ARHGEF3: variants seen among roughly 807,000 people sequenced by gnomAD.
ARHGEF3 encodes Rho guanine nucleotide exchange factor 3.
A neutral mutation model predicts 63.2 loss-of-function variants in ARHGEF3; 28 were observed. The ratio of observed to expected loss-of-function variants is 0.44; its 90% CI spans 0.33 to 0.61. The LOEUF (loss-of-function observed/expected upper bound fraction) is 0.61, where lower values mean the gene tolerates loss of function less well. Ranked by LOEUF, ARHGEF3 falls within the 20% of genes least tolerant of loss-of-function variation. ARHGEF3 has a pLI of 0.03. For synonymous variants in ARHGEF3, 266 were observed against 254.2 expected (o/e 1.05, Z -0.44); for missense variants, 533 against 659.3 (o/e 0.81, Z 2.10).
At chr3:56,914,007 T>C (rs1244532968) in intron 3 of ARHGEF3, among the ~76,000 whole-genome samples, 2 of 152,220 alleles carry the variant, frequency 1.3e-5, no homozygotes, top group Non-Finnish European at 2.9e-5. Flanking sequence ...ACTATTATTC[T>C]AAGTGAAGTA....
chr3:57,000,687 C>T (rs1702161074), intron 2 of ARHGEF3, among the ~76,000 whole-genome samples: 1 of 152,064 alleles, frequency 6.6e-6, no homozygotes, highest in South Asian at 2.1e-4. Context: ...CACACGCCTC[C>T]TTGCCTGGCA....
chr3:56,758,022 A>G (rs2035185294), intron 2 of ARHGEF3, among the ~76,000 whole-genome samples: 1 of 151,358 alleles, frequency 6.6e-6, no homozygotes, highest in Admixed American at 6.6e-5. Context: ...TCACGCCTGT[A>G]ATCCCAGCAC....
intron 2 of ARHGEF3, among the ~76,000 whole-genome samples, chr3:57,005,726 C>T: frequency 6.6e-6 from 1 of 152,194 alleles, no homozygotes; most frequent in Admixed American, 6.5e-5. Flanking sequence ...GGCATCACTT[C>T]CATAAAGCTC....
Position 56,738,046 on chromosome 3 carries a change from TTTTG to T in ARHGEF3, c.871-695_871-692del, listed in dbSNP as rs563880081. On this transcript the variant is annotated intron_variant, in intron 7 of 9. Coordinates refer to ENST00000296315, the MANE Select transcript of ARHGEF3 (RefSeq NM_019555.3). The stretch of plus-strand genomic sequence containing the variant: ...ATAATGCCCAGCTAATTTTTGTATT[TTTTG>T]TTTGTTTGTTTTGAGACGGAGTCTC... Among the ~76,000 whole-genome samples, 278 of 151,980 alleles carry T rather than the reference TTTTG, an allele frequency of 1.8e-3. 1 individual carries two copies. Among genetic ancestry groups the T allele is most frequent in the Non-Finnish European group, 3.0e-3 (203 of 67,974 alleles).
At chr3:56,999,072 TAG>T (rs1474856511) in intron 2 of ARHGEF3, among the ~76,000 whole-genome samples, 3 of 152,168 alleles carry the variant, frequency 2.0e-5, no homozygotes, top group Non-Finnish European at 2.9e-5. Flanking sequence ...TGTTTTGAGA[TAG>T]AGTCTTGCTC....
At chr3:56,968,210 ATATATT>A (rs1560094197) in intron 2 of ARHGEF3, among the ~76,000 whole-genome samples, 86 of 22,576 alleles carry the variant, frequency 3.8e-3, no homozygotes, top group Non-Finnish European at 6.2e-3. Flanking sequence ...ATATAAAAAT[ATATATT>A]ATATATAATA....
chr3:56,821,026 G>C (rs540057374), intron 4 of ARHGEF3, among the ~76,000 whole-genome samples: 2 of 151,940 alleles, frequency 1.3e-5, no homozygotes, highest in South Asian at 4.2e-4. Context: ...GCCAGGTTTA[G>C]TAGGTGCATG....
At chr3:56,810,008 G>A (rs2038008900) in intron 4 of ARHGEF3, among the ~76,000 whole-genome samples, 1 of 152,054 alleles carries the variant, frequency 6.6e-6, no homozygotes, top group Non-Finnish European at 1.5e-5. Flanking sequence ...GATTACAGAC[G>A]TCAGCCACCG....
intron 2 of ARHGEF3, among the ~76,000 whole-genome samples, chr3:56,977,765 G>T (rs1355641423): frequency 6.6e-6 from 1 of 152,052 alleles, no homozygotes; most frequent in Non-Finnish European, 1.5e-5. Context: ...AAATGGGTTC[G>T]GCCTCTAGGA....
chr3:56,853,172 C>T (rs901276754), intron 4 of ARHGEF3, among the ~76,000 whole-genome samples: 1 of 149,912 alleles, frequency 6.7e-6, no homozygotes, highest in Non-Finnish European at 1.5e-5. Context: ...GGTAACAGAA[C>T]AGAGGACATG....
chr3:56,732,504 G>A (rs2033243439), intron 8 of ARHGEF3, 80 bp from the exon 9 acceptor site: 1 of 1,496,238 alleles, frequency 6.7e-7, no homozygotes. Flanking sequence ...TGGATAAAGA[G>A]GTCCCCAGGT....
chr3:56,992,024 C>CTCTCTCTCTGTGTGTGTGTGTG (rs1239113895), intron 2 of ARHGEF3, among the ~76,000 whole-genome samples: 17 of 131,634 alleles, frequency 1.3e-4, no homozygotes, highest in African/African-American at 4.7e-4. Flanking sequence ...CCTCCTCTCT[C>CTCTCTCTCTGTGTGTGTGTGTG]TGTGTGTGTG....
intron 2 of ARHGEF3, among the ~76,000 whole-genome samples, chr3:56,999,088 C>T (rs998096995): frequency 6.6e-6 from 1 of 152,170 alleles, no homozygotes; most frequent in Non-Finnish European, 1.5e-5. Context: ...CTTGCTCTGT[C>T]GCTCACGCTG....
intron 3 of ARHGEF3, among the ~76,000 whole-genome samples, chr3:56,919,617 A>G (rs571153621): frequency 1.4e-4 from 21 of 152,340 alleles, no homozygotes; most frequent in African/African-American, 5.1e-4. Context: ...ACCTCTGCCA[A>G]TGTTGATAAC....
chr3:56,784,316 C>A (rs1369924816), intron 1 of ARHGEF3, among the ~76,000 whole-genome samples: 3 of 152,166 alleles, frequency 2.0e-5, no homozygotes, highest in Admixed American at 1.3e-4. Context: ...GGCAAGAATG[C>A]CACAGAAATA....
At chr3:57,037,876 AAAAAC>A (rs10655156) in intron 1 of ARHGEF3, among the ~76,000 whole-genome samples, 15 of 146,386 alleles carry the variant, frequency 1.0e-4, no homozygotes, top group East Asian at 7.8e-4. Context: ...CTCCGTCTCA[AAAAAC>A]AAAACAAAAC....
At chr3:56,980,197 T>C (rs1254022128) in intron 2 of ARHGEF3, among the ~76,000 whole-genome samples, 1 of 152,254 alleles carries the variant, frequency 6.6e-6, no homozygotes, top group African/African-American at 2.4e-5. Context: ...GACTTGCTTA[T>C]GCCACATTGT....
At chr3:57,003,896 C>T (rs1354223210) in intron 2 of ARHGEF3, among the ~76,000 whole-genome samples, 2 of 152,204 alleles carry the variant, frequency 1.3e-5, no homozygotes, top group Non-Finnish European at 2.9e-5. Context: ...GGCATCTGGA[C>T]TCCAGCCCAG....
intron 2 of ARHGEF3, among the ~76,000 whole-genome samples, chr3:56,755,701 T>A (rs1178372134): frequency 2.6e-5 from 4 of 151,954 alleles, no homozygotes; most frequent in Non-Finnish European, 5.9e-5. Flanking sequence ...ATTTGTCACA[T>A]GAGTTACGGG....
Sources: allele counts gnomAD v4.1 joint callset (sites outside exome capture counted in the v4.1 genomes callset), GRCh38; gene constraint gnomAD v4.1.1; transcripts MANE v1.5; gene names NCBI Gene and HGNC (gene_info 2026-07-23, HGNC 2026-07-21).